Variants in KCTD14 observed in about 807,000 individuals in gnomAD.
KCTD14 encodes BTB/POZ domain-containing protein KCTD14.
A neutral mutation model predicts 5.9 loss-of-function variants in KCTD14; 7 were observed. The observed-to-expected ratio is 1.19, with a 90% CI of 0.68 to 2.23. KCTD14 has a LOEUF of 2.23. Ranked by LOEUF, KCTD14 falls within the 30% of genes most tolerant of loss-of-function variation. KCTD14 has a pLI of 0.00. For missense variants in KCTD14, 342 were observed against 332.2 expected (o/e 1.03, Z -0.23); for synonymous variants, 140 against 133.1 (o/e 1.05, Z -0.36).
chr11:78,031,097 T>G (rs1424341233), intron 2 of KCTD14, among the ~76,000 whole-genome samples: 2 of 148,252 alleles, frequency 1.3e-5, no homozygotes, highest in East Asian at 4.1e-4. Flanking sequence ...ACCCAGACTC[T>G]AGGCTGGAGT....
chr11:78,038,883 G>A lies in KCTD14; in HGVS notation c.-95-125C>T. The stretch of plus-strand genomic sequence containing the variant: ...ACTGCAGAACTGGATGGCTACTGCT[G>A]CTGTGGTCACGGTCAGGCCCGGATG... On this transcript the variant is annotated intron_variant, in intron 1 of 2. Transcript: ENST00000533144. 4 of 1,147,050 alleles carry A rather than the reference G, an allele frequency of 3.5e-6. No homozygotes were observed. In the South Asian group the frequency reaches 4.4e-5, roughly 13 times the overall value. 71.1% of individuals were successfully genotyped at this position (1,147,050 alleles called of 1,614,324 possible).
chr11:78,027,521 A>G (rs9736713), upstream of KCTD14, among the ~76,000 whole-genome samples: 112,063 of 151,666 alleles, frequency 0.74, 42,324 homozygotes, highest in Non-Finnish European at 0.81. Context: ...TACCACCACA[A>G]CCAGCTAATT....
At position 78,015,910 on chromosome 11, in the gene KCTD14, T is replaced by C. The variant is rs1857150254; in HGVS notation, c.*683A>G. The C allele has an allele frequency of 6.6e-6, 1 of 152,214 alleles. No individual in the cohort carries two copies. The highest frequency in any genetic ancestry group is 1.5e-5 in the Non-Finnish European group (1 of 68,058). 9.4% of individuals were successfully genotyped at this position (152,214 alleles called of 1,614,324 possible). On this transcript the variant is annotated 3_prime_UTR_variant, in exon 2 of 2. Coordinates refer to ENST00000353172, the MANE Select transcript of KCTD14 (RefSeq NM_023930.4). The stretch of plus-strand genomic sequence containing the variant: ...GTCTTTTGTACCTCCATACAAGAGG[T>C]AGCAATTCTTTTCTAGAGATGGTCT...
chr11:78,032,628 G>A (rs1857657714), intron 2 of KCTD14, among the ~76,000 whole-genome samples: 1 of 124,568 alleles, frequency 8.0e-6, no homozygotes, highest in Admixed American at 7.6e-5. Flanking sequence ...TCCAGGCCAG[G>A]ACAGTACTGC....
intron 1 of KCTD14, among the ~76,000 whole-genome samples, chr11:78,044,530 C>T (rs1330150917): frequency 2.0e-5 from 3 of 152,096 alleles, no homozygotes. Context: ...TCACTGAGAC[C>T]ACGCAGCATT....
upstream of KCTD14, among the ~76,000 whole-genome samples, chr11:78,026,971 C>T (rs1017036658): frequency 2.6e-5 from 4 of 151,608 alleles, no homozygotes; most frequent in African/African-American, 7.3e-5. Context: ...TGGTGGCATG[C>T]GCCTGTAGTC....
At chr11:78,032,866 A>G (rs979481127) in intron 2 of KCTD14, among the ~76,000 whole-genome samples, 7 of 151,880 alleles carry the variant, frequency 4.6e-5, no homozygotes, top group Non-Finnish European at 1.0e-4. Flanking sequence ...TTTTTTATAG[A>G]GCTGGGGGTC....
At chr11:78,026,706 C>T (rs1295191036), upstream of KCTD14, among the ~76,000 whole-genome samples, 1 of 152,050 alleles carries the variant, frequency 6.6e-6, no homozygotes, top group Non-Finnish European at 1.5e-5. Flanking sequence ...GAGGTCAGGG[C>T]TGTAGTCACC....
intron 1 of KCTD14, among the ~76,000 whole-genome samples, chr11:78,018,209 C>T (rs1857222001): frequency 6.6e-6 from 1 of 152,082 alleles, no homozygotes. Context: ...TTTGGCAAGC[C>T]TTTTTCCCTC....
intron 1 of KCTD14, among the ~76,000 whole-genome samples, chr11:78,019,908 G>A (rs1411330098): frequency 6.6e-6 from 1 of 152,126 alleles, no homozygotes; most frequent in Non-Finnish European, 1.5e-5. Context: ...TGAGCTCTTA[G>A]TCATTACATA....
chr11:78,039,137 A>C (rs747171039), intron 1 of KCTD14, among the ~76,000 whole-genome samples: 1 of 152,092 alleles, frequency 6.6e-6, no homozygotes, highest in Non-Finnish European at 1.5e-5. Context: ...CTGAATTTCA[A>C]GAGGACCTTG....
chr11:78,025,633 G>T (rs11827678), upstream of KCTD14, among the ~76,000 whole-genome samples: 4,306 of 152,270 alleles, frequency 0.028, 187 homozygotes, highest in African/African-American at 0.097. Context: ...TCTAGCCAGG[G>T]ATTCTTCAGG....
chr11:78,026,577 T>A (rs1283286108), upstream of KCTD14, among the ~76,000 whole-genome samples: 1 of 152,112 alleles, frequency 6.6e-6, no homozygotes, highest in Non-Finnish European at 1.5e-5. Flanking sequence ...AAGTCCAGCC[T>A]GGGCAACATG....
chr11:78,045,809 C>T (rs1858118833), intron 1 of KCTD14, among the ~76,000 whole-genome samples: 1 of 152,160 alleles, frequency 6.6e-6, no homozygotes, highest in Non-Finnish European at 1.5e-5. Context: ...TAACGCCCGT[C>T]AAAGTGCTCC....
At chr11:78,017,526 C>A (rs1316605856) in intron 1 of KCTD14, among the ~76,000 whole-genome samples, 8 of 151,004 alleles carry the variant, frequency 5.3e-5, no homozygotes, top group East Asian at 2.0e-4. Flanking sequence ...CGGCTCACTG[C>A]AACTTCCACC....
intron 2 of KCTD14, among the ~76,000 whole-genome samples, chr11:78,037,415 T>TC (rs1172600341): frequency 2.6e-5 from 4 of 152,154 alleles, no homozygotes; most frequent in Non-Finnish European, 5.9e-5. Context: ...AAGGGCCAGC[T>TC]CCAAGGCCCT....
At chr11:78,024,629 C>T (rs181208157), upstream of KCTD14, among the ~76,000 whole-genome samples, 39 of 151,716 alleles carry the variant, frequency 2.6e-4, no homozygotes, top group South Asian at 2.3e-3. Flanking sequence ...CTCTATTAGT[C>T]AGGGTTCTAC....
chr11:78,023,133 C>G (rs1383523814), intron 1 of KCTD14, 27 bp downstream of exon 1: 2 of 1,446,678 alleles, frequency 1.4e-6, no homozygotes, highest in Non-Finnish European at 1.9e-6. Flanking sequence ...GACAGAGGCG[C>G]GGGGACGCAG....
chr11:78,044,202 C>T (rs769137278), intron 1 of KCTD14, among the ~76,000 whole-genome samples: 7 of 152,120 alleles, frequency 4.6e-5, no homozygotes, highest in Non-Finnish European at 1.0e-4. Context: ...ACCAGGTGAG[C>T]GAGGCTTTAG....
Sources: allele counts gnomAD v4.1 joint callset (sites outside exome capture counted in the v4.1 genomes callset), GRCh38; gene constraint gnomAD v4.1.1; transcripts MANE v1.5; gene names NCBI Gene and HGNC (gene_info 2026-07-23, HGNC 2026-07-21).